KCND2: variants seen among roughly 807,000 people sequenced by gnomAD.
KCND2 encodes potassium voltage-gated channel subfamily D member 2.
KCND2 carries 16 observed loss-of-function variants against 54.4 expected under a neutral mutation model. The observed-to-expected ratio is 0.29, with a 90% CI of 0.20 to 0.45. The LOEUF (loss-of-function observed/expected upper bound fraction) is 0.45, where lower values mean the gene tolerates loss of function less well. KCND2 is among the 20% of genes least tolerant of loss of function. The pLI is 1.00. For missense variants in KCND2, 486 were observed against 824.2 expected (o/e 0.59, Z 5.02); for synonymous variants, 317 against 310.7 (o/e 1.02, Z -0.21).
chr7:120,381,212 G>T (rs535242660), intron 1 of KCND2, among the ~76,000 whole-genome samples: 1 of 151,984 alleles, frequency 6.6e-6, no homozygotes, highest in Non-Finnish European at 1.5e-5. Context: ...CTGATATCAC[G>T]CCACTGTACT....
chr7:120,679,538 G>A (rs916269106), intron 1 of KCND2, among the ~76,000 whole-genome samples: 2 of 151,906 alleles, frequency 1.3e-5, no homozygotes, highest in African/African-American at 4.8e-5. Context: ...GATTTGAAAT[G>A]GATCACAAAA....
At chr7:120,447,373 A>G (rs550703800) in intron 1 of KCND2, among the ~76,000 whole-genome samples, 60 of 152,056 alleles carry the variant, frequency 3.9e-4, no homozygotes, top group Middle Eastern at 3.4e-3. Flanking sequence ...AAAGAAAAAA[A>G]AAAGAAAAAG....
intron 1 of KCND2, among the ~76,000 whole-genome samples, chr7:120,357,067 T>G (rs938269905): frequency 3.3e-5 from 5 of 152,142 alleles, no homozygotes; most frequent in African/African-American, 1.2e-4. Flanking sequence ...CTCCTTCAGA[T>G]CTCTTGTAAT....
intron 1 of KCND2, among the ~76,000 whole-genome samples, chr7:120,422,116 G>A (rs1801634937): frequency 6.6e-6 from 1 of 152,310 alleles, no homozygotes; most frequent in African/African-American, 2.4e-5. Flanking sequence ...GACATATGTA[G>A]CAGGGTTGAA....
chr7:120,552,943 A>G (rs898154920), intron 1 of KCND2, among the ~76,000 whole-genome samples: 4 of 152,210 alleles, frequency 2.6e-5, no homozygotes, highest in Admixed American at 2.0e-4. Context: ...TGTGTATTCA[A>G]CATGCACAAT....
chr7:120,565,457 G>A (rs1224899765), intron 1 of KCND2, among the ~76,000 whole-genome samples: 4 of 152,120 alleles, frequency 2.6e-5, no homozygotes, highest in Non-Finnish European at 2.9e-5. Flanking sequence ...AGGGAATGAT[G>A]GCAAGGCCTT....
intron 1 of KCND2, 124 bp from the exon 2 acceptor site, chr7:120,732,779 G>T: frequency 1.4e-6 from 1 of 712,738 alleles, no homozygotes; most frequent in Non-Finnish European, 2.4e-6. Flanking sequence ...ATATATTATA[G>T]TCACAAAGTA....
intron 1 of KCND2, among the ~76,000 whole-genome samples, chr7:120,545,384 G>A (rs577676559): frequency 4.1e-4 from 63 of 151,866 alleles, no homozygotes; most frequent in Non-Finnish European, 8.6e-4. Flanking sequence ...AGTTATTTGA[G>A]TGTTAAAGTA....
At chr7:120,733,123 T>C (rs926776306) in intron 2 of KCND2, 58 bp downstream of exon 2, 8 of 1,566,966 alleles carry the variant, frequency 5.1e-6, no homozygotes, top group African/African-American at 1.4e-5. Context: ...TATAATGAGC[T>C]TTAAAATTTC....
chr7:120,493,962 A>T (rs2116305264), intron 1 of KCND2, among the ~76,000 whole-genome samples: 1 of 152,280 alleles, frequency 6.6e-6, no homozygotes, highest in African/African-American at 2.4e-5. Flanking sequence ...AACTACAGCT[A>T]ATTATATTCA....
intron 1 of KCND2, among the ~76,000 whole-genome samples, chr7:120,508,795 A>T (rs796073410): frequency 1.1e-4 from 17 of 151,996 alleles, no homozygotes; most frequent in African/African-American, 4.1e-4. Context: ...TTCTGCCAAC[A>T]TTGTGGCATC....
At chr7:120,590,802 G>A (rs1454050346) in intron 1 of KCND2, among the ~76,000 whole-genome samples, 1 of 152,058 alleles carries the variant, frequency 6.6e-6, no homozygotes, top group Non-Finnish European at 1.5e-5. Context: ...ACACTTTAGT[G>A]CTATGGATTT....
chr7:120,494,726 T>G (rs1802826924), intron 1 of KCND2, among the ~76,000 whole-genome samples: 1 of 152,220 alleles, frequency 6.6e-6, no homozygotes, highest in Admixed American at 6.5e-5. Flanking sequence ...CTACAGAAAT[T>G]TGTGTGCATG....
intron 1 of KCND2, among the ~76,000 whole-genome samples, chr7:120,363,059 G>A (rs1800615664): frequency 6.6e-6 from 1 of 152,010 alleles, no homozygotes; most frequent in African/African-American, 2.4e-5. Context: ...TTTCAGCTTT[G>A]GGAGGTCGAC....
intron 1 of KCND2, among the ~76,000 whole-genome samples, chr7:120,462,319 A>AAATT (rs2116241679): frequency 6.6e-6 from 1 of 152,170 alleles, no homozygotes; most frequent in South Asian, 2.1e-4. Context: ...AAACTTGAGA[A>AAATT]AATTAATAAA....
chr7:120,298,046 T>A (rs1196873622), intron 1 of KCND2, among the ~76,000 whole-genome samples: 3 of 152,160 alleles, frequency 2.0e-5, no homozygotes, highest in Non-Finnish European at 4.4e-5. Context: ...TGTAATATTG[T>A]TTAATATTAC....
intron 1 of KCND2, among the ~76,000 whole-genome samples, chr7:120,584,741 C>T (rs1305213707): frequency 2.0e-5 from 3 of 152,248 alleles, no homozygotes; most frequent in Non-Finnish European, 2.9e-5. Context: ...TGCACACTCA[C>T]GTGCTCACGC....
chr7:120,692,627 G>A (rs1338215175), intron 1 of KCND2, among the ~76,000 whole-genome samples: 1 of 152,024 alleles, frequency 6.6e-6, no homozygotes, highest in African/African-American at 2.4e-5. Context: ...ATCTCTTCTA[G>A]GATTAACAAG....
intron 1 of KCND2, among the ~76,000 whole-genome samples, chr7:120,573,948 T>G (rs1416520724): frequency 5.9e-5 from 9 of 152,160 alleles, no homozygotes; most frequent in Admixed American, 3.9e-4. Flanking sequence ...TTAAATAACT[T>G]AAAATTAGGT....
Sources: gnomAD v4.1 joint callset for allele counts (sites outside exome capture counted in the v4.1 genomes callset) on GRCh38, gnomAD v4.1.1 for gene constraint, MANE v1.5 for transcripts, NCBI Gene and HGNC (gene_info 2026-07-23, HGNC 2026-07-21) for gene names.